The following AGBL4 variants were observed in gnomAD, a reference collection of about 807,000 sequenced individuals.
AGBL4 encodes cytosolic carboxypeptidase 6.
In AGBL4, 58 loss-of-function variants were observed where a neutral mutation model predicts 66.4. The ratio of observed to expected loss-of-function variants is 0.87; its 90% CI spans 0.71 to 1.09. The LOEUF (loss-of-function observed/expected upper bound fraction) is 1.09, where lower values mean the gene tolerates loss of function less well. Among genes scored for constraint, AGBL4 ranks in the 50% least tolerant of loss-of-function variants. AGBL4 has a pLI of 0.00. For synonymous variants in AGBL4, 234 were observed against 222.9 expected, an observed-to-expected ratio of 1.05 and a Z score of -0.44; for missense variants, 579 against 631.0, an observed-to-expected ratio of 0.92 and a Z score of 0.88.
chr1:48,684,945 T>G (rs1646509090), intron 6 of AGBL4, among the ~76,000 whole-genome samples: 1 of 152,216 alleles, frequency 6.6e-6, no homozygotes, highest in Admixed American at 6.5e-5. Flanking sequence ...CTGCCTTCAC[T>G]TCTCAGGCCT....
At chr1:48,884,298 G>GT (rs574316933) in intron 5 of AGBL4, among the ~76,000 whole-genome samples, 1 of 98,282 alleles carries the variant, frequency 1.0e-5, no homozygotes, top group Non-Finnish European at 2.9e-5. Context: ...TTGTTTGTTT[G>GT]TTTTTTTGTT....
chr1:48,734,800 A>T (rs1648755626), intron 6 of AGBL4, among the ~76,000 whole-genome samples: 2 of 152,268 alleles, frequency 1.3e-5, no homozygotes. Flanking sequence ...GCAAGCTCAC[A>T]GTACCTGAAG....
intron 5 of AGBL4, among the ~76,000 whole-genome samples, chr1:48,992,820 G>C (rs1660708686): frequency 6.6e-6 from 1 of 151,992 alleles, no homozygotes; most frequent in South Asian, 2.1e-4. Context: ...CCAAACCCAA[G>C]GGCTCTTCAG....
At chr1:49,635,060 C>G (rs1645645355) in intron 3 of AGBL4, among the ~76,000 whole-genome samples, 1 of 152,022 alleles carries the variant, frequency 6.6e-6, no homozygotes, top group Non-Finnish European at 1.5e-5. Context: ...AGGCTTAGCC[C>G]AAGAAGAAGG....
At chr1:48,731,016 C>T (rs79999736) in intron 6 of AGBL4, among the ~76,000 whole-genome samples, 7,401 of 152,206 alleles carry the variant, frequency 0.049, 604 homozygotes, top group African/African-American at 0.17. Context: ...GGGTAAGGAA[C>T]TATTTTAAAA....
chr1:48,789,037 A>G (rs1645475263), intron 6 of AGBL4, among the ~76,000 whole-genome samples: 1 of 152,168 alleles, frequency 6.6e-6, no homozygotes, highest in African/African-American at 2.4e-5. Context: ...TCTGATAATA[A>G]ACTTGGAAAG....
chr1:49,448,356 TTCATGATGAAAGAGAA>T (rs1646205032), intron 3 of AGBL4, among the ~76,000 whole-genome samples: 1 of 152,162 alleles, frequency 6.6e-6, no homozygotes, highest in South Asian at 2.1e-4. Flanking sequence ...CCCCGTCTCC[TTCATGATGAAAGAGAA>T]ACAACTGTCA....
chr1:49,157,384 C>T (rs1489824922), intron 4 of AGBL4, among the ~76,000 whole-genome samples: 1 of 152,096 alleles, frequency 6.6e-6, no homozygotes, highest in East Asian at 1.9e-4. Context: ...TTTCCAGCTT[C>T]ATCCATGTCC....
intron 5 of AGBL4, among the ~76,000 whole-genome samples, chr1:48,986,980 GTTAT>G (rs924853023): frequency 6.6e-6 from 1 of 151,878 alleles, no homozygotes; most frequent in African/African-American, 2.4e-5. Context: ...TAGTTAATTA[GTTAT>G]TTAAGAGTTA....
At chr1:49,064,038 T>G (rs757431071) in intron 4 of AGBL4, among the ~76,000 whole-genome samples, 1 of 152,240 alleles carries the variant, frequency 6.6e-6, no homozygotes, top group Non-Finnish European at 1.5e-5. Flanking sequence ...TCTTTCACCT[T>G]TAATTTTCTG....
At chr1:49,924,771 T>C (rs1277016395) in intron 1 of AGBL4, among the ~76,000 whole-genome samples, 1 of 152,100 alleles carries the variant, frequency 6.6e-6, no homozygotes, top group Non-Finnish European at 1.5e-5. Context: ...AATAATGCCC[T>C]CAAAATAGTA....
chr1:48,913,909 TG>T (rs1557455321), intron 5 of AGBL4, among the ~76,000 whole-genome samples: 1 of 152,072 alleles, frequency 6.6e-6, no homozygotes, highest in Non-Finnish European at 1.5e-5. Flanking sequence ...TTCATACCCG[TG>T]GAAGAAGGGT....
At chr1:48,740,777 A>G (rs1649794814) in intron 6 of AGBL4, among the ~76,000 whole-genome samples, 1 of 152,224 alleles carries the variant, frequency 6.6e-6, no homozygotes, top group Non-Finnish European at 1.5e-5. Flanking sequence ...ACAAGACAGC[A>G]GAGCCAAGAA....
intron 5 of AGBL4, among the ~76,000 whole-genome samples, chr1:48,965,642 T>C (rs1281669761): frequency 6.6e-6 from 1 of 152,164 alleles, no homozygotes; most frequent in Non-Finnish European, 1.5e-5. Flanking sequence ...ATTTGAGTTG[T>C]ATAACTAAGC....
intron 3 of AGBL4, among the ~76,000 whole-genome samples, chr1:49,509,549 G>A (rs1649011796): frequency 6.6e-6 from 1 of 151,816 alleles, no homozygotes; most frequent in Non-Finnish European, 1.5e-5. Flanking sequence ...TAGAAATAAG[G>A]ACACCAGGGA....
At chr1:49,085,101 T>G (rs1350597474) in intron 4 of AGBL4, among the ~76,000 whole-genome samples, 1 of 152,002 alleles carries the variant, frequency 6.6e-6, no homozygotes, top group East Asian at 1.9e-4. Context: ...TAAAAAAAAA[T>G]AACCTACGCA....
chr1:49,515,782 G>T (rs555327893), intron 3 of AGBL4, among the ~76,000 whole-genome samples: 4 of 150,558 alleles, frequency 2.7e-5, no homozygotes, highest in South Asian at 4.2e-4. Flanking sequence ...GCAAACTACC[G>T]CAAGGACAAA....
At chr1:48,669,331 G>A (rs1468517210) in intron 6 of AGBL4, among the ~76,000 whole-genome samples, 1 of 152,206 alleles carries the variant, frequency 6.6e-6, no homozygotes, top group African/African-American at 2.4e-5. Flanking sequence ...GTGGAATGGG[G>A]TTCCTCAGCA....
chr1:49,003,480 G>A (rs1310976539), intron 5 of AGBL4, among the ~76,000 whole-genome samples: 8 of 151,996 alleles, frequency 5.3e-5, no homozygotes, highest in African/African-American at 7.2e-5. Context: ...GGGAGAAGAC[G>A]AGAAAGAAGA....
Sources: allele counts gnomAD v4.1 joint callset (sites outside exome capture counted in the v4.1 genomes callset), GRCh38; gene constraint gnomAD v4.1.1; transcripts MANE v1.5; gene names NCBI Gene and HGNC (gene_info 2026-07-23, HGNC 2026-07-21).